DOCK8: variants seen among roughly 807,000 people sequenced by gnomAD.
DOCK8 encodes dedicator of cytokinesis 8.
Under a neutral mutation model 245.6 loss-of-function variants are expected in DOCK8, and 141 were observed. The ratio of observed to expected loss-of-function variants is 0.57; its 90% CI spans 0.50 to 0.66. The LOEUF (loss-of-function observed/expected upper bound fraction) is 0.66. Ranked by LOEUF, DOCK8 falls within the 30% of genes least tolerant of loss-of-function variation. The pLI is 0.00. For synonymous variants in DOCK8, 1,168 were observed against 970.2 expected, an observed-to-expected ratio of 1.20 and a Z score of -3.79; for missense variants, 2,965 against 2,603.4, an observed-to-expected ratio of 1.14 and a Z score of -3.02.
intron 1 of DOCK8, among the ~76,000 whole-genome samples, chr9:216,916 A>C (rs542095402): frequency 6.6e-6 from 1 of 152,274 alleles, no homozygotes; most frequent in African/African-American, 2.4e-5. Flanking sequence ...ATCTGCTTGC[A>C]AATTGGCTCT....
Position 399,218 on chromosome 9 carries a change from CG to C in DOCK8, c.3197del (p.Gly1066AlafsTer27). ...FLYDLLSLMD[R>X]GFVFNLIRHY... ...GTATGACCTTCTCTCCCTCATGGAT[CG>C]GGGCTTTGTGTTTAACCTCATCAGA... On this transcript the variant is annotated frameshift_variant, in exon 26 of 48. Transcript: ENST00000432829. LOFTEE classifies it high-confidence loss of function. The C allele has an allele frequency of 6.2e-7, 1 of 1,613,918 alleles. No individual in the cohort carries two copies. Among genetic ancestry groups the C allele is most frequent in the South Asian group, 1.1e-5 (1 of 91,070 alleles).
intron 36 of DOCK8, among the ~76,000 whole-genome samples, chr9:430,653 G>A (rs894472258): frequency 1.4e-5 from 2 of 144,816 alleles, no homozygotes; most frequent in African/African-American, 5.0e-5. Context: ...CTGTATTCCA[G>A]CCTGAGACCC....
chr9:248,552 T>A (rs949136119), intron 1 of DOCK8, among the ~76,000 whole-genome samples: 2 of 65,494 alleles, frequency 3.1e-5, no homozygotes, highest in Admixed American at 3.0e-4. Flanking sequence ...TTTCTTTCTC[T>A]CTCTCTCTCT....
intron 20 of DOCK8, among the ~76,000 whole-genome samples, chr9:378,178 G>A (rs1435280722): frequency 6.6e-6 from 1 of 152,198 alleles, no homozygotes; most frequent in Non-Finnish European, 1.5e-5. Flanking sequence ...TGCAGTGGTT[G>A]TGGGGAGGGT....
At chr9:444,054 G>T (rs1382282681) in intron 43 of DOCK8, among the ~76,000 whole-genome samples, 1 of 152,112 alleles carries the variant, frequency 6.6e-6, no homozygotes, top group Non-Finnish European at 1.5e-5. Flanking sequence ...CGGGATCACT[G>T]TGCTGTTGGG....
intron 1 of DOCK8, among the ~76,000 whole-genome samples, chr9:240,602 G>C (rs547760291): frequency 7.2e-5 from 11 of 152,226 alleles, no homozygotes; most frequent in African/African-American, 2.6e-4. Flanking sequence ...TTTATTGCCA[G>C]AGCTACATGT....
chr9:332,546 A>T, intron 10 of DOCK8, 68 bp downstream of exon 10: 1 of 1,120,986 alleles, frequency 8.9e-7, no homozygotes, highest in Non-Finnish European at 1.4e-6. Flanking sequence ...GAAGTGTTAC[A>T]CAAATAGTTA....
chr9:260,093 C>T (rs1237816888), intron 1 of DOCK8, among the ~76,000 whole-genome samples: 1 of 152,154 alleles, frequency 6.6e-6, no homozygotes, highest in Non-Finnish European at 1.5e-5. Context: ...GAGGTGTGGA[C>T]CTCTCAGCCC....
chr9:403,829 C>T (rs1325201428), intron 26 of DOCK8, among the ~76,000 whole-genome samples: 2 of 149,054 alleles, frequency 1.3e-5, no homozygotes, highest in African/African-American at 2.5e-5. Flanking sequence ...CATGCCACTG[C>T]ACTCCAGTTC....
chr9:244,295 C>T (rs2047452267), intron 1 of DOCK8, among the ~76,000 whole-genome samples: 2 of 151,760 alleles, frequency 1.3e-5, no homozygotes, highest in Admixed American at 1.3e-4. Flanking sequence ...CACACACACG[C>T]ACACACATAT....
At chr9:271,839 A>G in intron 2 of DOCK8, 110 bp downstream of exon 2, 1 of 736,582 alleles carries the variant, frequency 1.4e-6, no homozygotes, top group Non-Finnish European at 2.3e-6. Context: ...CACATTCTCC[A>G]GTCACCAGAT....
chr9:388,126 T>G (rs948953158), intron 23 of DOCK8, among the ~76,000 whole-genome samples: 2 of 152,160 alleles, frequency 1.3e-5, no homozygotes, highest in Non-Finnish European at 1.5e-5. Flanking sequence ...CTGACCTATT[T>G]TCTAGAGGCG....
At chr9:356,606 C>T (rs764446536) in intron 14 of DOCK8, among the ~76,000 whole-genome samples, 2 of 151,740 alleles carry the variant, frequency 1.3e-5, no homozygotes, top group Non-Finnish European at 2.9e-5. Flanking sequence ...CCTTAAGCCT[C>T]TAAGCATCCA....
In DOCK8 at chr9:428,452, T is replaced by TACC. The variant is rs778917748; in HGVS notation, c.4430_4432dup (p.Tyr1477_Leu1478insHis). The TACC allele has an allele frequency of 6.2e-7, 1 of 1,614,228 alleles. No individual in the cohort carries two copies. Among genetic ancestry groups the TACC allele is most frequent in the South Asian group, 1.1e-5 (1 of 91,088 alleles). On this transcript the variant is annotated inframe_insertion, in exon 35 of 48. Coordinates refer to ENST00000432829, the MANE Select transcript of DOCK8 (RefSeq NM_203447.4). The stretch of plus-strand genomic sequence containing the variant: ...TCTGAACTGTGATCAGAGTACCACC[T>TACC]ACCTGACTCACTGCTTTGCAACACT...
At chr9:297,547 G>C (rs1439175522) in intron 4 of DOCK8, among the ~76,000 whole-genome samples, 1 of 152,106 alleles carries the variant, frequency 6.6e-6, no homozygotes, top group East Asian at 1.9e-4. Flanking sequence ...CTGCATCTAG[G>C]TGCAACAGGA....
At position 353,498 on chromosome 9, in the gene DOCK8, T is replaced by C. The variant is rs571745032; in HGVS notation, c.1679+13177T>C. ...CCCCAAATAACCAAAAATATCAGCC[T>C]CAGCACCAGCAGAAATTGGAAGCGT... is the stretch of plus-strand genomic sequence containing the variant. On this transcript the variant is annotated intron_variant, in intron 14 of 47. Coordinates refer to ENST00000432829, the MANE Select transcript of DOCK8 (RefSeq NM_203447.4). Among the ~76,000 whole-genome samples the C allele has an allele frequency of 3.3e-5, 5 of 152,334 alleles. No individual in the cohort carries two copies. The South Asian group carries it at 8.3e-4, about 25-fold the overall frequency.
chr9:395,802 C>T (rs755079753), intron 24 of DOCK8, among the ~76,000 whole-genome samples: 1 of 151,930 alleles, frequency 6.6e-6, no homozygotes, highest in Non-Finnish European at 1.5e-5. Context: ...TTGTGGTAGG[C>T]ATTGAGATAG....
intron 1 of DOCK8, among the ~76,000 whole-genome samples, chr9:234,618 A>T (rs1017624633): frequency 6.6e-6 from 1 of 151,726 alleles, no homozygotes; most frequent in Non-Finnish European, 1.5e-5. Flanking sequence ...TTTTCTGTAA[A>T]CTTCTCTTCT....
Position 449,790 on chromosome 9 carries a change from T to G in DOCK8, c.5824T>G (p.Leu1942Val). The G allele has an allele frequency of 6.2e-7, 1 of 1,612,844 alleles. No homozygotes were observed. Among genetic ancestry groups the G allele is most frequent in the South Asian group, 1.1e-5 (1 of 91,020 alleles). Residue 1942 changes from leucine to valine, a missense_variant, in exon 45 of 48, where the codon TTG becomes GTG. By Grantham distance (32) the Leu-to-Val change is conservative. Around this residue, in one of 3 missense-constraint regions of DOCK8, gnomAD observed 2,825 missense variants for 2,453.5 expected, o/e 1.15. Transcript: ENST00000432829. ...GTTTACGTCTCATGTTCAGTTTGTT[T>G]TGACACCGATTGAAGTTGCCATTGA... ...ISVIQKEEFV[L>V]TPIEVAIEDM...
Sources: allele counts gnomAD v4.1 joint callset (sites outside exome capture counted in the v4.1 genomes callset), GRCh38; gene constraint gnomAD v4.1.1; regional missense constraint gnomAD v4.1.1; transcripts MANE v1.5; gene names NCBI Gene and HGNC (gene_info 2026-07-23, HGNC 2026-07-21).